FAF1: variants seen among roughly 807,000 people sequenced by gnomAD.
The protein encoded by FAF1 is FAS-associated factor 1.
FAF1 carries 25 observed loss-of-function variants against 92.5 expected under a neutral mutation model. That is an observed-to-expected ratio of 0.27 (90% CI 0.20 to 0.38). The LOEUF (loss-of-function observed/expected upper bound fraction) is 0.38, where lower values mean the gene tolerates loss of function less well. FAF1 is among the 10% of genes least tolerant of loss of function. The probability of loss-of-function intolerance (pLI) is 1.00; values close to 1 mark genes in which losing one functional copy is unlikely to be tolerated. For synonymous variants in FAF1, 234 were observed against 273.2 expected (o/e 0.86, Z 1.42); for missense variants, 636 against 793.3 (o/e 0.80, Z 2.38).
At position 50,477,441 on chromosome 1, in the gene FAF1, T is replaced by C. The variant is rs372093938; in HGVS notation, c.1654-1762A>G. The stretch of plus-strand genomic sequence containing the variant: ...ACTCTCATTTTTTATATGGGGAAAT[T>C]GATGCCCAGAAATGGAGACATAAGA... On this transcript the variant is annotated intron_variant, in intron 17 of 18. Transcript: ENST00000396153. Among the ~76,000 whole-genome samples, 14 of 152,328 alleles carry C rather than the reference T, an allele frequency of 9.2e-5. No individual in the cohort carries two copies. In the East Asian group the frequency reaches 2.5e-3, roughly 27 times the overall value.
chr1:50,844,917 C>T (rs1023075857), intron 2 of FAF1, among the ~76,000 whole-genome samples: 1 of 151,624 alleles, frequency 6.6e-6, no homozygotes, highest in African/African-American at 2.4e-5. Context: ...CAAGGAACAG[C>T]GATTCCAAAT....
intron 6 of FAF1, among the ~76,000 whole-genome samples, chr1:50,724,250 A>C (rs960799415): frequency 3.8e-4 from 56 of 148,520 alleles, no homozygotes; most frequent in Non-Finnish European, 3.0e-5. Context: ...AAAAAAAAAA[A>C]AAAAACAACC....
intron 1 of FAF1, among the ~76,000 whole-genome samples, chr1:50,902,799 G>T (rs1644806807): frequency 6.6e-6 from 1 of 152,024 alleles, no homozygotes; most frequent in South Asian, 2.1e-4. Flanking sequence ...TACTGTATCT[G>T]TTTTTTATAT....
intron 4 of FAF1, among the ~76,000 whole-genome samples, chr1:50,747,698 AAAT>A (rs1659684380): frequency 6.6e-6 from 1 of 152,188 alleles, no homozygotes; most frequent in Admixed American, 6.5e-5. Context: ...GCCACGGGTG[AAAT>A]AATATGGTTT....
intron 12 of FAF1, among the ~76,000 whole-genome samples, chr1:50,571,331 C>T (rs1650428530): frequency 6.6e-6 from 1 of 152,176 alleles, no homozygotes; most frequent in African/African-American, 2.4e-5. Context: ...AGGAAGTCTC[C>T]AAGCTTTAAA....
At chr1:50,819,706 T>TATATATATAC (rs1644017607) in intron 2 of FAF1, among the ~76,000 whole-genome samples, 1 of 46,536 alleles carries the variant, frequency 2.1e-5, no homozygotes, top group Non-Finnish European at 4.3e-5. Context: ...TATATATACA[T>TATATATATAC]ATATATATAC....
chr1:50,725,772 T>C (rs1440637283), intron 6 of FAF1, among the ~76,000 whole-genome samples: 1 of 152,132 alleles, frequency 6.6e-6, no homozygotes, highest in Admixed American at 6.6e-5. Flanking sequence ...CCATATATTT[T>C]AACACCACTA....
At chr1:50,498,849 CAA>C (rs552247958) in intron 15 of FAF1, among the ~76,000 whole-genome samples, 22 of 83,234 alleles carry the variant, frequency 2.6e-4, no homozygotes, top group Non-Finnish European at 2.9e-4. Flanking sequence ...ACCTCTGTCT[CAA>C]AAAAAAAAAA....
At chr1:50,812,766 G>A (rs977902494) in intron 2 of FAF1, among the ~76,000 whole-genome samples, 3 of 152,112 alleles carry the variant, frequency 2.0e-5, no homozygotes, top group Non-Finnish European at 4.4e-5. Context: ...AAAGATACAT[G>A]CGTGTATCTG....
chr1:50,785,128 A>C (rs1161606281), intron 4 of FAF1, among the ~76,000 whole-genome samples: 1 of 123,756 alleles, frequency 8.1e-6, no homozygotes, highest in African/African-American at 3.4e-5. Flanking sequence ...GCAAGACCCT[A>C]TCTCAAAAAA....
intron 13 of FAF1, among the ~76,000 whole-genome samples, chr1:50,561,560 G>A (rs1649901304): frequency 6.6e-6 from 1 of 152,158 alleles, no homozygotes; most frequent in African/African-American, 2.4e-5. Flanking sequence ...GGGCGCAGGG[G>A]CTCATGCCTG....
chr1:50,657,073 A>G (rs1369396571), intron 7 of FAF1, among the ~76,000 whole-genome samples: 2 of 151,852 alleles, frequency 1.3e-5, no homozygotes, highest in South Asian at 4.2e-4. Flanking sequence ...TTAGCTAGGC[A>G]TGGTGGCTCA....
At chr1:50,838,541 T>C (rs766459190) in intron 2 of FAF1, among the ~76,000 whole-genome samples, 41 of 143,638 alleles carry the variant, frequency 2.9e-4, no homozygotes, top group Non-Finnish European at 5.5e-4. Context: ...ATTTTACATG[T>C]AGAATTATAA....
intron 8 of FAF1, among the ~76,000 whole-genome samples, chr1:50,627,881 A>G (rs1653583675): frequency 6.6e-6 from 1 of 152,156 alleles, no homozygotes; most frequent in African/African-American, 2.4e-5. Context: ...GTGAAGACTG[A>G]AAGTCTACTT....
At chr1:50,929,297 T>C (rs1214379323) in intron 1 of FAF1, among the ~76,000 whole-genome samples, 2 of 151,918 alleles carry the variant, frequency 1.3e-5, no homozygotes, top group Non-Finnish European at 2.9e-5. Context: ...GCAGAAGGAG[T>C]GGGCTCCCAA....
intron 6 of FAF1, among the ~76,000 whole-genome samples, chr1:50,718,478 T>C (rs1469472024): frequency 6.6e-6 from 1 of 152,274 alleles, no homozygotes; most frequent in African/African-American, 2.4e-5. Flanking sequence ...AAGACGAATA[T>C]AAAGTACTAA....
chr1:50,581,803 G>T (rs183842653), intron 12 of FAF1, among the ~76,000 whole-genome samples: 1 of 152,156 alleles, frequency 6.6e-6, no homozygotes, highest in Admixed American at 6.5e-5. Context: ...AAGATTATGG[G>T]GCAATACAAA....
chr1:50,891,857 C>T (rs921143799), intron 1 of FAF1, among the ~76,000 whole-genome samples: 1 of 152,204 alleles, frequency 6.6e-6, no homozygotes, highest in Non-Finnish European at 1.5e-5. Flanking sequence ...AAACTCTGTG[C>T]TAGGAGAACC....
chr1:50,554,723 T>C (rs1278915473), intron 13 of FAF1, among the ~76,000 whole-genome samples: 1 of 152,112 alleles, frequency 6.6e-6, no homozygotes, highest in African/African-American at 2.4e-5. Flanking sequence ...ATTTTAAAAA[T>C]GAACCCTTGC....
Sources: gnomAD v4.1 joint callset for allele counts (sites outside exome capture counted in the v4.1 genomes callset) on GRCh38, gnomAD v4.1.1 for gene constraint, MANE v1.5 for transcripts, NCBI Gene and HGNC (gene_info 2026-07-23, HGNC 2026-07-21) for gene names.